PGPEP1: variants seen among roughly 807,000 people sequenced by gnomAD.
The protein encoded by PGPEP1 is pyroglutamyl-peptidase 1.
Under a neutral mutation model 24.1 loss-of-function variants are expected in PGPEP1, and 15 were observed. The observed-to-expected ratio is 0.62, with a 90% CI of 0.42 to 0.96. The LOEUF (loss-of-function observed/expected upper bound fraction) is 0.96, where lower values mean the gene tolerates loss of function less well. Among genes scored for constraint, PGPEP1 ranks in the 40% least tolerant of loss-of-function variants. PGPEP1 has a pLI of 0.00. For synonymous variants in PGPEP1, 122 were observed against 116.4 expected, an observed-to-expected ratio of 1.05 and a Z score of -0.31; for missense variants, 242 against 273.4, an observed-to-expected ratio of 0.89 and a Z score of 0.81.
intron 4 of PGPEP1, chr19:18,361,644 A>G: frequency 2.2e-5 from 16 of 726,984 alleles, no homozygotes; most frequent in Non-Finnish European, 2.7e-5. Context: ...ACATATCCTC[A>G]TATGTCTAAT....
At chr19:18,342,674 C>G (rs894056307) in intron 1 of PGPEP1, among the ~76,000 whole-genome samples, 185 bp from the exon 2 acceptor site, 1 of 152,200 alleles carries the variant, frequency 6.6e-6, no homozygotes, top group Non-Finnish European at 1.5e-5. Context: ...CGGACAGGTG[C>G]AGGACGGCGG....
intron 1 of PGPEP1, 80 bp from the exon 2 acceptor site, chr19:18,342,779 A>T: frequency 9.4e-7 from 1 of 1,061,462 alleles, no homozygotes; most frequent in Non-Finnish European, 1.5e-6. Flanking sequence ...TTGCTTCTCC[A>T]GGTGGGAGTA....
Position 18,363,621 on chromosome 19 carries a change from G to T in PGPEP1, c.*38G>T. 6.5e-7 allele frequency: 1 copy of T among 1,532,670 alleles called. No homozygotes were observed. The allele number at this position is 1,532,670 out of a possible 1,614,324, so 94.9% of individuals were successfully genotyped here. On this transcript the variant is annotated 3_prime_UTR_variant, in exon 5 of 5. Coordinates refer to ENST00000269919, the MANE Select transcript of PGPEP1 (RefSeq NM_017712.4). ...TCTCCTAAGACCTCATCCTGCTGGG[G>T]ACCCCACGAGGGGACATCCACCCTC... is the stretch of plus-strand genomic sequence containing the variant.
chr19:18,349,502 T>G (rs1428256398), intron 2 of PGPEP1, among the ~76,000 whole-genome samples: 1 of 152,172 alleles, frequency 6.6e-6, no homozygotes, highest in Non-Finnish European at 1.5e-5. Flanking sequence ...ATTTTTAAAG[T>G]AACACATCCC....
At chr19:18,352,266 C>CAAAAAAAACAAA (rs1971052157) in intron 2 of PGPEP1, among the ~76,000 whole-genome samples, 1 of 43,664 alleles carries the variant, frequency 2.3e-5, no homozygotes, top group Non-Finnish European at 4.3e-5. Context: ...GACTCCGTCT[C>CAAAAAAAACAAA]AAAAAAAAAA....
At chr19:18,363,312 G>A in intron 4 of PGPEP1, 79 bp from the exon 5 acceptor site, 2 of 1,164,364 alleles carry the variant, frequency 1.7e-6, no homozygotes, top group East Asian at 2.5e-5. Flanking sequence ...ATTTGGATGG[G>A]TGCTGTCACC....
intron 2 of PGPEP1, among the ~76,000 whole-genome samples, chr19:18,352,295 G>A (rs1043931234): frequency 1.1e-5 from 1 of 88,084 alleles, no homozygotes; most frequent in Non-Finnish European, 2.7e-5. Flanking sequence ...AAATTAGTTG[G>A]GTGTTTTCCC....
rs1474352371 is a variant in PGPEP1 at position 18,356,013 on chromosome 19, T to A, written c.204+2T>A. ...CTGTGGGAGAAGCACAGTCCACAGG[T>A]GAGTGGTGCCAAGGGGCGGCACTTC... On this transcript the variant is annotated splice_donor_variant, in intron 3 of 4. Transcript: ENST00000269919. LOFTEE classifies it high-confidence loss of function. 1 of 1,573,440 alleles carries A rather than the reference T, an allele frequency of 6.4e-7. No individual in the cohort carries two copies. Among genetic ancestry groups the A allele is most frequent in the Non-Finnish European group, 8.7e-7 (1 of 1,143,354 alleles).
intron 2 of PGPEP1, among the ~76,000 whole-genome samples, chr19:18,348,314 AGT>A (rs1970918939): frequency 6.6e-6 from 1 of 152,162 alleles, no homozygotes; most frequent in South Asian, 2.1e-4. Flanking sequence ...TTGCTGCCAC[AGT>A]GAGTCTAGAC....
At position 18,357,430 on chromosome 19, in the gene PGPEP1, G is replaced by A. The variant is rs746593461; in HGVS notation, c.252G>A (p.Leu84=). Residue 84 remains leucine, a synonymous_variant, in exon 4 of 5, where the codon CTG becomes CTA. Coordinates refer to ENST00000269919, the MANE Select transcript of PGPEP1 (RefSeq NM_017712.4). ...GVSGMATTVT[L]EKCGHNKGYK... ...CAGGCATGGCGACCACAGTCACACTGGAGAAATGTGGACACAACAAGGGCT... is the reference window on the plus strand; with the variant it reads ...CAGGCATGGCGACCACAGTCACACTAGAGAAATGTGGACACAACAAGGGCT... The A allele has an allele frequency of 1.9e-6, 3 of 1,614,036 alleles. No individual in the cohort carries two copies. The highest frequency in any genetic ancestry group is 4.5e-5 in the East Asian group (2 of 44,878).
chr19:18,357,072 A>C (rs779504894), intron 3 of PGPEP1, among the ~76,000 whole-genome samples: 2 of 152,208 alleles, frequency 1.3e-5, no homozygotes, highest in Non-Finnish European at 2.9e-5. Flanking sequence ...TGGCATTTTA[A>C]CACTTGCATA....
rs1971638883 is a variant in PGPEP1 at position 18,369,246 on chromosome 19, G to A, written c.*5663G>A. On this transcript the variant is annotated 3_prime_UTR_variant, in exon 5 of 5. Coordinates refer to ENST00000269919, the MANE Select transcript of PGPEP1 (RefSeq NM_017712.4). ...GAGTGGGGGGGGACTCCCAGGACTTGAGGGACCCAGTCCCACCCCAAACTG... is the reference window on the plus strand; with the variant it reads ...GAGTGGGGGGGGACTCCCAGGACTTAAGGGACCCAGTCCCACCCCAAACTG... 6.6e-6 allele frequency: 1 copy of A among 152,344 alleles called. No individual in the cohort carries two copies. Among genetic ancestry groups the A allele is most frequent in the Non-Finnish European group, 1.5e-5 (1 of 68,170 alleles). The allele number at this position is 152,344 out of a possible 1,614,324, so 9.4% of individuals were successfully genotyped here.
intron 2 of PGPEP1, among the ~76,000 whole-genome samples, chr19:18,351,522 G>T (rs1331695903): frequency 6.6e-6 from 1 of 151,306 alleles, no homozygotes; most frequent in Non-Finnish European, 1.5e-5. Context: ...TACTTGGGAG[G>T]CTGAGGCTGG....
intron 4 of PGPEP1, chr19:18,361,668 C>T (rs1971351581): frequency 2.2e-6 from 2 of 926,140 alleles, no homozygotes; most frequent in Non-Finnish European, 2.6e-6. Flanking sequence ...GAAAAATTCT[C>T]ATTCCCTCTC....
At chr19:18,361,187 G>T (rs1971340603) in intron 4 of PGPEP1, among the ~76,000 whole-genome samples, 2 of 151,648 alleles carry the variant, frequency 1.3e-5, no homozygotes, top group South Asian at 4.2e-4. Context: ...GCCCAGGCTG[G>T]AGTGCAATGG....
chr19:18,357,529 C>G lies in PGPEP1; in HGVS notation c.351C>G (p.Asp117Glu), dbSNP rs756713145. 2 of 1,613,508 alleles carry G rather than the reference C, an allele frequency of 1.2e-6. No homozygotes were observed. Among genetic ancestry groups the G allele is most frequent in the Non-Finnish European group, 1.7e-6 (2 of 1,179,750 alleles). ...CCVEDGPESIDSIIDMDAVCK... is the reference protein window; with the variant it reads ...CCVEDGPESIESIIDMDAVCK... ...TGGAGGACGGGCCTGAAAGCATTGA[C>G]TCCATCATCGACATGGATGCTGTGT... is the stretch of plus-strand genomic sequence containing the variant. The change falls in exon 4 of 5, where the codon GAC becomes GAG. Residue 117 changes from aspartate (D) to glutamate (E), a missense_variant. Transcript: ENST00000269919.
intron 3 of PGPEP1, among the ~76,000 whole-genome samples, chr19:18,356,667 C>G (rs1971193587): frequency 6.6e-6 from 1 of 151,830 alleles, no homozygotes; most frequent in African/African-American, 2.4e-5. Context: ...TTGCTTGAGC[C>G]CAGGAATTTA....
intron 2 of PGPEP1, among the ~76,000 whole-genome samples, chr19:18,352,718 G>C (rs1971073372): frequency 6.6e-6 from 1 of 151,812 alleles, no homozygotes; most frequent in Non-Finnish European, 1.5e-5. Flanking sequence ...ATCACGCCCA[G>C]ATAATTTTTG....
At chr19:18,344,131 G>A (rs1600191826) in intron 2 of PGPEP1, among the ~76,000 whole-genome samples, 1 of 146,880 alleles carries the variant, frequency 6.8e-6, no homozygotes, top group East Asian at 2.0e-4. Context: ...GAATATGTGG[G>A]GTGGGGTGGC....
Sources: allele counts gnomAD v4.1 joint callset (sites outside exome capture counted in the v4.1 genomes callset), GRCh38; gene constraint gnomAD v4.1.1; transcripts MANE v1.5; gene names NCBI Gene and HGNC (gene_info 2026-07-23, HGNC 2026-07-21).